DECR1: variants seen among roughly 807,000 people sequenced by gnomAD.
The protein encoded by DECR1 is 2,4-dienoyl-CoA reductase 1.
Under a neutral mutation model 38.8 loss-of-function variants are expected in DECR1, and 44 were observed. That is an observed-to-expected ratio of 1.13 (90% CI 0.89 to 1.46). The LOEUF (loss-of-function observed/expected upper bound fraction) is 1.46. Ranked by LOEUF, DECR1 falls within the 40% of genes most tolerant of loss-of-function variation. The pLI, the probability that DECR1 is intolerant of heterozygous loss-of-function variation, is 0.00. For synonymous variants in DECR1, 148 were observed against 135.2 expected (o/e 1.09, Z -0.66); for missense variants, 428 against 405.5 (o/e 1.06, Z -0.48).
At chr8:90,040,597 A>T (rs1288347859) in intron 6 of DECR1, among the ~76,000 whole-genome samples, 1 of 152,038 alleles carries the variant, frequency 6.6e-6, no homozygotes, top group East Asian at 1.9e-4. Context: ...TTACATTAGG[A>T]ATTTTTCCTA....
intron 7 of DECR1, among the ~76,000 whole-genome samples, chr8:90,043,159 A>T (rs7821822): frequency 0.1 from 15,170 of 151,866 alleles, 2,374 homozygotes; most frequent in African/African-American, 0.33. Context: ...ATCCTTTTTT[A>T]AAAAAAATCA....
chr8:90,006,278 G>A (rs1481283728), intron 1 of DECR1: 1 of 704,016 alleles, frequency 1.4e-6, no homozygotes, highest in Non-Finnish European at 2.6e-6. Flanking sequence ...CATGGGGGAG[G>A]TATGTCCAGT....
chr8:90,037,014 C>A, intron 6 of DECR1, 74 bp downstream of exon 6: 1 of 993,574 alleles, frequency 1.0e-6, no homozygotes, highest in Non-Finnish European at 1.6e-6. Context: ...TGTATTCCTG[C>A]TTTCTGGTGT....
At position 90,053,413 on chromosome 8, in the gene DECR1, A is replaced by G. The variant is rs919112888; in HGVS notation, c.*1516A>G. ...CCATCAGATCTCGTGAGACTTATTC[A>G]CTATCACACTATTGTGTTGATATTG... On this transcript the variant is annotated 3_prime_UTR_variant, in exon 10 of 10. Coordinates refer to ENST00000220764, the MANE Select transcript of DECR1 (RefSeq NM_001359.2). Among the ~76,000 whole-genome samples the G allele has an allele frequency of 6.6e-6, 1 of 152,184 alleles. No homozygotes were observed. The highest frequency in any genetic ancestry group is 1.5e-5 in the Non-Finnish European group (1 of 68,026).
intron 5 of DECR1, among the ~76,000 whole-genome samples, chr8:90,028,859 G>A (rs574710369): frequency 2.9e-4 from 44 of 151,580 alleles, no homozygotes; most frequent in Middle Eastern, 6.8e-3. Context: ...TTTAACACTT[G>A]CAATGACCTT....
At position 90,052,928 on chromosome 8, in the gene DECR1, T is replaced by A. The variant is rs1174011762; in HGVS notation, c.*1031T>A. ...TTCCATCTTACCTCATCTGAATAAA[T>A]CTGCCACAAGCCCATGGAAACCCCA... On this transcript the variant is annotated 3_prime_UTR_variant, in exon 10 of 10. Transcript: ENST00000220764. Among the ~76,000 whole-genome samples the A allele has an allele frequency of 6.6e-6, 1 of 152,132 alleles. No homozygotes were observed. Among genetic ancestry groups the A allele is most frequent in the Non-Finnish European group, 1.5e-5 (1 of 68,022 alleles).
chr8:90,017,117 C>T lies in DECR1; in HGVS notation c.70-7C>T. 6.2e-7 allele frequency: 1 copy of T among 1,600,580 alleles called. No individual in the cohort carries two copies. The highest frequency in any genetic ancestry group is 8.5e-7 in the Non-Finnish European group (1 of 1,170,436). On this transcript the variant is annotated splice_polypyrimidine_tract_variant and splice_region_variant and intron_variant, in intron 1 of 9. Coordinates refer to ENST00000220764, the MANE Select transcript of DECR1 (RefSeq NM_001359.2). Reference sequence around the variant, plus strand: ...TATGCAAATTTAAATTCATTTTCCCCTTTTAGTTTTTCAGTTATGGGACAA... The same window carrying T: ...TATGCAAATTTAAATTCATTTTCCCTTTTTAGTTTTTCAGTTATGGGACAA...
In DECR1 at chr8:90,036,871, A is replaced by C; in HGVS notation, c.596A>C (p.Tyr199Ser). 6.2e-7 allele frequency: 1 copy of C among 1,613,510 alleles called. No individual in the cohort carries two copies. The highest frequency in any genetic ancestry group is 8.5e-7 in the Non-Finnish European group (1 of 1,179,694). Residue 199 changes from tyrosine to serine, a missense_variant, in exon 6 of 10, where the codon TAT becomes TCT. Transcript: ENST00000220764. ...GAAFLSITTI[Y>S]AETGSGFVVP... ...GCATTTCTTTCTATTACTACTATCT[A>C]TGCTGAGACTGGTTCAGGTTTTGTA... is the stretch of plus-strand genomic sequence containing the variant.
At chr8:90,032,325 AATATGTCTT>A (rs969528083) in intron 5 of DECR1, among the ~76,000 whole-genome samples, 1 of 152,116 alleles carries the variant, frequency 6.6e-6, no homozygotes, top group African/African-American at 2.4e-5. Context: ...GCAATACCAC[AATATGTCTT>A]TCTCATGCTT....
At chr8:90,049,954 T>C (rs1380766864) in intron 8 of DECR1, among the ~76,000 whole-genome samples, 1 of 152,226 alleles carries the variant, frequency 6.6e-6, no homozygotes, top group Non-Finnish European at 1.5e-5. Context: ...TAAATGGTGC[T>C]GGGAAAACTG....
At chr8:90,040,649 GTGTGTGA>G (rs1247878662) in intron 6 of DECR1, among the ~76,000 whole-genome samples, 3 of 152,070 alleles carry the variant, frequency 2.0e-5, no homozygotes, top group Non-Finnish European at 4.4e-5. Flanking sequence ...GACAGACCCA[GTGTGTGA>G]TGTTCCCCTT....
chr8:90,034,804 T>C (rs1813580115), intron 5 of DECR1, among the ~76,000 whole-genome samples: 1 of 152,186 alleles, frequency 6.6e-6, no homozygotes, highest in South Asian at 2.1e-4. Flanking sequence ...TATTGACCAC[T>C]GTATATGCAG....
intron 8 of DECR1, among the ~76,000 whole-genome samples, chr8:90,048,839 C>G (rs1387872276): frequency 6.6e-6 from 1 of 152,210 alleles, no homozygotes; most frequent in Non-Finnish European, 1.5e-5. Context: ...AGGTTATCCA[C>G]CACGATCAAG....
chr8:90,042,687 T>C (rs1813791582), intron 6 of DECR1, 41 bp from the exon 7 acceptor site: 1 of 1,527,268 alleles, frequency 6.5e-7, no homozygotes, highest in African/African-American at 1.4e-5. Flanking sequence ...TAACATATGG[T>C]ATAATATTTC....
chr8:90,031,751 G>A (rs1338672921), intron 5 of DECR1, among the ~76,000 whole-genome samples: 4 of 152,148 alleles, frequency 2.6e-5, no homozygotes, highest in Non-Finnish European at 5.9e-5. Flanking sequence ...TAGTAGAAGA[G>A]TTAGAACTGC....
At chr8:90,026,208 G>C (rs768825881) in intron 5 of DECR1, among the ~76,000 whole-genome samples, 45 of 152,134 alleles carry the variant, frequency 3.0e-4, no homozygotes, top group Non-Finnish European at 5.4e-4. Flanking sequence ...TCTCTGTCAG[G>C]CTTTGGTATC....
At chr8:90,051,440 T>C (rs905553596) in intron 8 of DECR1, among the ~76,000 whole-genome samples, 1 of 152,188 alleles carries the variant, frequency 6.6e-6, no homozygotes, top group Non-Finnish European at 1.5e-5. Context: ...TTGGTAGATA[T>C]ACCTTTAAGA....
chr8:90,003,173 A>G (rs1812659149), intron 1 of DECR1: 1 of 152,180 alleles, frequency 6.6e-6, no homozygotes, highest in African/African-American at 2.4e-5. Context: ...TCCTGGGAGA[A>G]GAAAAGTCTT....
intron 5 of DECR1, among the ~76,000 whole-genome samples, chr8:90,030,152 G>A (rs1342961879): frequency 1.3e-5 from 2 of 152,088 alleles, no homozygotes. Context: ...TAGGGTTTGC[G>A]CTCCTATGAT....
Sources: allele counts gnomAD v4.1 joint callset (sites outside exome capture counted in the v4.1 genomes callset), GRCh38; gene constraint gnomAD v4.1.1; transcripts MANE v1.5; gene names NCBI Gene and HGNC (gene_info 2026-07-23, HGNC 2026-07-21).